Variants in ATM observed in about 807,000 individuals in gnomAD.
ATM encodes the protein ATM serine/threonine kinase.
Under a neutral mutation model 387.0 loss-of-function variants are expected in ATM, and 308 were observed. The ratio of observed to expected loss-of-function variants is 0.80; its 90% CI spans 0.73 to 0.87. The LOEUF (loss-of-function observed/expected upper bound fraction) is 0.87. ATM is among the 40% of genes least tolerant of loss of function. The probability of loss-of-function intolerance (pLI) is 0.00; values close to 1 mark genes in which losing one functional copy is unlikely to be tolerated. For synonymous variants in ATM, 1,156 were observed against 1,187.3 expected (o/e 0.97, Z 0.54); for missense variants, 3,312 against 3,560.9 (o/e 0.93, Z 1.78).
In ATM at chr11:108,282,721, A is replaced by T. The variant is rs376524625; in HGVS notation, c.3588A>T (p.Lys1196Asn). 1 of 1,613,150 alleles carries T rather than the reference A, an allele frequency of 6.2e-7. No individual in the cohort carries two copies. Among genetic ancestry groups the T allele is most frequent in the Admixed American group, 1.7e-5 (1 of 59,920 alleles). ...EPHLVKKVLE[K>N]VSETFGYRRL... ...TTTGGTTCGTGCAGGTTTTAGAGAA[A>T]GTTTCTGAAACTTTTGGATATAGAC... The change falls in exon 25 of 63, where the codon AAA becomes AAT. Residue 1196 changes from lysine to asparagine, a missense_variant. Coordinates refer to ENST00000675843, the MANE Select transcript of ATM (RefSeq NM_000051.4).
intron 17 of ATM, 49 bp from the exon 18 acceptor site, chr11:108,268,361 T>C: frequency 6.5e-7 from 1 of 1,547,860 alleles, no homozygotes; most frequent in Non-Finnish European, 8.9e-7. Flanking sequence ...TGACTATATA[T>C]GGCTGTTGTG....
chr11:108,277,416 A>G (rs1479451272), intron 22 of ATM, among the ~76,000 whole-genome samples: 2 of 152,112 alleles, frequency 1.3e-5, no homozygotes, highest in Non-Finnish European at 2.9e-5. Context: ...TGGGGTATGA[A>G]AAAACACTCT....
chr11:108,254,954 A>G (rs2080382912), intron 13 of ATM, among the ~76,000 whole-genome samples: 1 of 152,018 alleles, frequency 6.6e-6, no homozygotes, highest in Non-Finnish European at 1.5e-5. Context: ...TGGCCTAATA[A>G]TTTTTCATCT....
intron 37 of ATM, among the ~76,000 whole-genome samples, chr11:108,307,152 T>C (rs1591727395): frequency 6.6e-6 from 1 of 151,854 alleles, no homozygotes; most frequent in East Asian, 1.9e-4. Context: ...CTTTTTTTTT[T>C]TTCTTTTTTT....
At chr11:108,331,140 T>C in intron 50 of ATM, 2 of 1,090,194 alleles carry the variant, frequency 1.8e-6, no homozygotes, top group Middle Eastern at 4.2e-4. Flanking sequence ...AAGATCACAG[T>C]CACACTCAGA....
chr11:108,244,266 A>G, intron 6 of ATM, 148 bp downstream of exon 6: 1 of 929,340 alleles, frequency 1.1e-6, no homozygotes, highest in Non-Finnish European at 1.6e-6. Context: ...AGAGACAACC[A>G]AGTCCAACAC....
rs567908537 is a variant in ATM, at chr11:108,304,771, C to A, written c.5593C>A (p.His1865Asn). The change falls in exon 37 of 63, where the codon CAT (histidine) becomes AAT (asparagine). Residue 1865 changes from histidine to asparagine, a missense_variant. His to Asn is a moderately conservative substitution (Grantham distance 68). This residue lies in a region of ATM where 1,405 missense variants were observed against 1,604.4 expected (regional missense o/e 0.88). Transcript: ENST00000675843. ...ATCATGGAGAAATCTGCTTTCTACA[C>A]ATGTTCAGGGATTTTTCACCAGCTG... ...NESWRNLLST[H>N]VQGFFTSCLR... The A allele has an allele frequency of 6.2e-7, 1 of 1,613,976 alleles. No individual in the cohort carries two copies. The highest frequency in any genetic ancestry group is 1.7e-5 in the Admixed American group (1 of 60,002).
At chr11:108,274,244 A>C (rs1011609363) in intron 22 of ATM, among the ~76,000 whole-genome samples, 3 of 151,960 alleles carry the variant, frequency 2.0e-5, no homozygotes, top group African/African-American at 7.3e-5. Context: ...TATTGAGTCT[A>C]TTTGATTCTT....
Position 108,359,472 on chromosome 11 carries a change from C to A in ATM, c.8850+4598C>A, listed in dbSNP as rs866275271. Among the ~76,000 whole-genome samples the A allele has an allele frequency of 3.1e-3, 468 of 152,148 alleles. 4 individuals are homozygous for A. Among genetic ancestry groups the A allele is most frequent in the African/African-American group, 1.0e-2 (414 of 41,486 alleles). On this transcript the variant is annotated intron_variant, in intron 61 of 62. Coordinates refer to ENST00000675843, the MANE Select transcript of ATM (RefSeq NM_000051.4). Reference sequence around the variant, plus strand: ...TAATAGACATCTACAGAACTCTCCACCCCAAATCAACAGAATATACATTTT... The same window carrying A: ...TAATAGACATCTACAGAACTCTCCAACCCAAATCAACAGAATATACATTTT...
chr11:108,359,680 C>A (rs1443661187), intron 61 of ATM, among the ~76,000 whole-genome samples: 7 of 152,134 alleles, frequency 4.6e-5, no homozygotes, highest in African/African-American at 1.7e-4. Flanking sequence ...ACCAAACAAC[C>A]TGCTCCTGAA....
At chr11:108,261,473 AC>A (rs993445498) in intron 16 of ATM, among the ~76,000 whole-genome samples, 6 of 152,050 alleles carry the variant, frequency 3.9e-5, no homozygotes, top group Non-Finnish European at 7.4e-5. Context: ...CACACCAAAA[AC>A]CCATCTGTAC....
chr11:108,275,439 G>T (rs1000812113), intron 22 of ATM, among the ~76,000 whole-genome samples: 2 of 151,958 alleles, frequency 1.3e-5, no homozygotes, highest in Admixed American at 1.3e-4. Context: ...ATTAGTTGAT[G>T]CAGTTTCTTC....
At position 108,330,269 on chromosome 11, in the gene ATM, C is replaced by T. The variant is rs147665149; in HGVS notation, c.7363C>T (p.Leu2455=). ...GTTGGATGAATTAGCCCTGCGTGCA[C>T]TGAAAGAGGATCGTAAACGCTTCTT... ...LELDELALRA[L]KEDRKRFLCK... is the part of the protein sequence containing the mutation. The change falls in exon 50 of 63, where the codon CTG becomes TTG. Residue 2455 remains leucine (L), a synonymous_variant. Transcript: ENST00000675843. 2 of 1,614,172 alleles carry T rather than the reference C, an allele frequency of 1.2e-6. No individual in the cohort carries two copies. Among genetic ancestry groups the T allele is most frequent in the Non-Finnish European group, 1.7e-6 (2 of 1,180,034 alleles).
In ATM at chr11:108,234,689, A is replaced by G. The variant is rs542930260; in HGVS notation, c.332-981A>G. 7.9e-5 allele frequency among the ~76,000 whole-genome samples: 12 copies of G among 151,990 alleles called. No individual in the cohort carries two copies. The South Asian group carries it at 2.5e-3, about 32-fold the overall frequency. ...TTCTGTCTCTATGAAAAATTTAAAA[A>G]ATTAGCTGGGCATGGTGGCACAACA... On this transcript the variant is annotated intron_variant, in intron 4 of 62. Transcript: ENST00000675843.
At chr11:108,300,662 T>C (rs1454328143) in intron 34 of ATM, among the ~76,000 whole-genome samples, 1 of 152,208 alleles carries the variant, frequency 6.6e-6, no homozygotes, top group Non-Finnish European at 1.5e-5. Context: ...TATATTTCTT[T>C]CTTTTGTTGT....
In ATM at chr11:108,258,979, A is replaced by G. The variant is rs2080691600; in HGVS notation, c.2377-7A>G. The G allele has an allele frequency of 1.9e-6, 3 of 1,609,916 alleles. No individual in the cohort carries two copies. Among genetic ancestry groups the G allele is most frequent in the Non-Finnish European group, 2.6e-6 (3 of 1,176,458 alleles). On this transcript the variant is annotated splice_region_variant and splice_polypyrimidine_tract_variant and intron_variant, in intron 15 of 62. Coordinates refer to ENST00000675843, the MANE Select transcript of ATM (RefSeq NM_000051.4). Reference sequence around the variant, plus strand: ...GTTGCTTGGTTCTTTGTTTGTCTTAATTGCAGAAGAGTCCAAATAAGATTG... The same window carrying G: ...GTTGCTTGGTTCTTTGTTTGTCTTAGTTGCAGAAGAGTCCAAATAAGATTG...
At position 108,282,703 on chromosome 11, in the gene ATM, C is replaced by T. The variant is rs558667657; in HGVS notation, c.3577-7C>T. On this transcript the variant is annotated splice_region_variant and splice_polypyrimidine_tract_variant and intron_variant, in intron 24 of 62. Coordinates refer to ENST00000675843, the MANE Select transcript of ATM (RefSeq NM_000051.4). ...TTCTTAACACATTGACTTTTTGGTT[C>T]GTGCAGGTTTTAGAGAAAGTTTCTG... 8.1e-6 allele frequency: 13 copies of T among 1,610,832 alleles called. No individual in the cohort carries two copies. Among genetic ancestry groups the T allele is most frequent in the African/African-American group, 5.3e-5 (4 of 74,794 alleles).
intron 32 of ATM, among the ~76,000 whole-genome samples, chr11:108,296,546 C>G (rs780970357): frequency 3.3e-5 from 5 of 152,198 alleles, no homozygotes; most frequent in Middle Eastern, 3.2e-3. Context: ...GCCACCACGC[C>G]TGGCCTAATT....
chr11:108,303,140 T>G, intron 36 of ATM, 111 bp downstream of exon 36: 1 of 1,128,610 alleles, frequency 8.9e-7, no homozygotes. Flanking sequence ...CTCAAACTGT[T>G]GTAAATTTAT....
Sources: allele counts gnomAD v4.1 joint callset (sites outside exome capture counted in the v4.1 genomes callset), GRCh38; gene constraint gnomAD v4.1.1; regional missense constraint gnomAD v4.1.1; transcripts MANE v1.5; gene names NCBI Gene and HGNC (gene_info 2026-07-23, HGNC 2026-07-21).